The following CCDC50 variants were observed in gnomAD, a reference collection of about 807,000 sequenced individuals.
CCDC50 encodes the protein coiled-coil domain containing 50, also known as coiled-coil domain-containing protein 50.
CCDC50 carries 54 observed loss-of-function variants against 70.2 expected under a neutral mutation model. The ratio of observed to expected loss-of-function variants is 0.77; its 90% confidence interval spans 0.62 to 0.96. CCDC50 has a LOEUF of 0.96. Ranked by LOEUF, CCDC50 falls within the 50% of genes least tolerant of loss-of-function variation. CCDC50 has a pLI of 0.00. For missense variants in CCDC50, 558 were observed against 578.7 expected, an observed-to-expected ratio of 0.96 and a Z score of 0.37; for synonymous variants, 216 against 198.8, an observed-to-expected ratio of 1.09 and a Z score of -0.73.
chr3:191,354,972 AT>A (rs908225700), intron 1 of CCDC50, among the ~76,000 whole-genome samples: 22 of 151,558 alleles, frequency 1.5e-4, no homozygotes, highest in African/African-American at 5.1e-4. Context: ...GTACAGCCAC[AT>A]TTTTTTTTCC....
At position 191,359,129 on chromosome 3, in the gene CCDC50, C is replaced by G. The variant is rs768789975; in HGVS notation, c.239+1005C>G. On this transcript the variant is annotated intron_variant, in intron 3 of 11. Transcript: ENST00000392455. Reference sequence around the variant, plus strand: ...CTTGAGCATTGTGTATCTAGAGATACGTGCATGAGTCACAGAGAATTGAAA... The same window carrying G: ...CTTGAGCATTGTGTATCTAGAGATAGGTGCATGAGTCACAGAGAATTGAAA... Among the ~76,000 whole-genome samples, 6 of 152,210 alleles carry G rather than the reference C, an allele frequency of 3.9e-5. No homozygotes were observed. The South Asian group carries it at 6.2e-4, about 16-fold the overall frequency.
intron 10 of CCDC50, among the ~76,000 whole-genome samples, chr3:191,387,384 A>G (rs777942376): frequency 2.0e-5 from 3 of 152,302 alleles, no homozygotes; most frequent in South Asian, 4.1e-4. Context: ...TCTTAATACA[A>G]TAAAACTGTA....
chr3:191,340,303 A>G (rs576149805), intron 1 of CCDC50, among the ~76,000 whole-genome samples: 157 of 152,324 alleles, frequency 1.0e-3, no homozygotes, highest in African/African-American at 3.7e-3. Context: ...CTTGCGCCTT[A>G]TATACTATCA....
At chr3:191,375,002 C>A in intron 5 of CCDC50, 60 bp from the exon 6 acceptor site, 2 of 1,547,926 alleles carry the variant, frequency 1.3e-6, no homozygotes, top group East Asian at 2.3e-5. Context: ...GTAGTGAGTT[C>A]ATAACTCTCA....
chr3:191,329,678 G>A lies in CCDC50; in HGVS notation c.4G>A (p.Ala2Thr). The change falls in exon 1 of 12, where the codon GCT becomes ACT. Residue 2 changes from alanine (A) to threonine (T), a missense_variant. Transcript: ENST00000392455. M[A>T]EVSIDQSKLP... ...GCAACCGGGACCCTGGCCCGGTATG[G>A]CTGAAGTCAGCATCGACCAGTCCAA... The A allele has an allele frequency of 6.2e-7, 1 of 1,609,816 alleles. No individual in the cohort carries two copies. Among genetic ancestry groups the A allele is most frequent in the Non-Finnish European group, 8.5e-7 (1 of 1,178,630 alleles).
At chr3:191,378,290 G>T (rs1560169291) in intron 6 of CCDC50, among the ~76,000 whole-genome samples, 2 of 152,098 alleles carry the variant, frequency 1.3e-5, no homozygotes. Flanking sequence ...TTATCACCCT[G>T]TCAAAACAAT....
chr3:191,353,627 A>G (rs1245997341), intron 1 of CCDC50, among the ~76,000 whole-genome samples: 2 of 142,148 alleles, frequency 1.4e-5, no homozygotes, highest in Admixed American at 7.2e-5. Context: ...TTGACTGAAT[A>G]TGTGATTGTT....
chr3:191,361,045 C>T, intron 3 of CCDC50, 24 bp from the exon 4 acceptor site: 1 of 1,517,450 alleles, frequency 6.6e-7, no homozygotes, highest in Non-Finnish European at 9.2e-7. Context: ...TTTCCTTATT[C>T]ATGTTTTCAC....
intron 1 of CCDC50, among the ~76,000 whole-genome samples, chr3:191,353,763 T>G (rs971315313): frequency 7.6e-6 from 1 of 131,100 alleles, no homozygotes; most frequent in African/African-American, 2.7e-5. Flanking sequence ...ATTATATGTT[T>G]GGAAACTCCT....
At chr3:191,358,449 C>T (rs752466462) in intron 3 of CCDC50, among the ~76,000 whole-genome samples, 19 of 152,156 alleles carry the variant, frequency 1.2e-4, no homozygotes, top group Non-Finnish European at 1.6e-4. Context: ...GTCCCCTCTG[C>T]CTCATAGTTT....
At chr3:191,384,630 T>G (rs1299701647) in intron 10 of CCDC50, among the ~76,000 whole-genome samples, 1 of 152,200 alleles carries the variant, frequency 6.6e-6, no homozygotes, top group African/African-American at 2.4e-5. Context: ...TTTCTACTCT[T>G]CGTGTATGTG....
chr3:191,352,034 C>G (rs1712122782), intron 1 of CCDC50, among the ~76,000 whole-genome samples: 1 of 142,320 alleles, frequency 7.0e-6, no homozygotes, highest in African/African-American at 2.5e-5. Flanking sequence ...TTGATACATT[C>G]TGTTTAAATC....
chr3:191,379,842 T>A (rs1713249109), intron 6 of CCDC50, among the ~76,000 whole-genome samples: 1 of 152,166 alleles, frequency 6.6e-6, no homozygotes, highest in Non-Finnish European at 1.5e-5. Context: ...TGACTTTTTT[T>A]TCACTTTGTA....
In CCDC50 at chr3:191,394,544, C is replaced by G. The variant is rs1048080858; in HGVS notation, c.*2784C>G. On this transcript the variant is annotated 3_prime_UTR_variant, in exon 12 of 12. Transcript: ENST00000392455. ...ATTTTTAGGCCCACAGTGTATTATG[C>G]TTTAATGTTGTGATGTAAACTAATA... is the stretch of plus-strand genomic sequence containing the variant. 11 of 152,142 alleles carry G rather than the reference C, an allele frequency of 7.2e-5. No individual in the cohort carries two copies. The highest frequency in any genetic ancestry group is 2.7e-4 in the African/African-American group (11 of 41,450). The allele number at this position is 152,142 out of a possible 1,614,324, so 9.4% of individuals were successfully genotyped here. A position where few individuals can be genotyped will look rare whatever the true frequency, so the allele number is the denominator to read the frequency against.
intron 1 of CCDC50, among the ~76,000 whole-genome samples, chr3:191,331,830 CT>C (rs1311274484): frequency 2.0e-5 from 3 of 152,156 alleles, no homozygotes; most frequent in African/African-American, 4.8e-5. Context: ...GCTTGTGCCC[CT>C]GATAGGGTAA....
chr3:191,389,671 A>G, intron 11 of CCDC50, 69 bp downstream of exon 11: 2 of 1,194,320 alleles, frequency 1.7e-6, no homozygotes, highest in Non-Finnish European at 2.5e-6. Context: ...TGTAGTGGAA[A>G]AATCAAATTC....
intron 1 of CCDC50, among the ~76,000 whole-genome samples, chr3:191,351,228 ATTTC>A (rs1712096693): frequency 7.0e-6 from 1 of 142,026 alleles, no homozygotes. Flanking sequence ...GAGTTTACTT[ATTTC>A]TTTGTTGGTG....
At chr3:191,375,889 G>A (rs553039899) in intron 6 of CCDC50, among the ~76,000 whole-genome samples, 28 of 152,182 alleles carry the variant, frequency 1.8e-4, no homozygotes, top group Middle Eastern at 3.4e-3. Context: ...TACCGAGACT[G>A]TGTATCAGAG....
chr3:191,364,230 G>A (rs917206503), intron 4 of CCDC50, among the ~76,000 whole-genome samples: 3 of 151,870 alleles, frequency 2.0e-5, no homozygotes, highest in East Asian at 1.9e-4. Context: ...CACCACGTCC[G>A]GCTCATTTTT....
Sources: gnomAD v4.1 joint callset for allele counts (sites outside exome capture counted in the v4.1 genomes callset) on GRCh38, gnomAD v4.1.1 for gene constraint, MANE v1.5 for transcripts, NCBI Gene and HGNC (gene_info 2026-07-23, HGNC 2026-07-21) for gene names.